URGCP: variants seen among roughly 807,000 people sequenced by gnomAD.
The protein encoded by URGCP is upregulator of cell proliferation.
URGCP carries 13 observed loss-of-function variants against 24.6 expected under a neutral mutation model. The ratio of observed to expected loss-of-function variants is 0.53; its 90% CI spans 0.34 to 0.84. The LOEUF (loss-of-function observed/expected upper bound fraction) is 0.84, where lower values mean the gene tolerates loss of function less well. Among genes scored for constraint, URGCP ranks in the 40% least tolerant of loss-of-function variants. The pLI, the probability that URGCP is intolerant of heterozygous loss-of-function variation, is 0.01. For missense variants in URGCP, 899 were observed against 1,194.3 expected (o/e 0.75, Z 3.64); for synonymous variants, 444 against 487.2 (o/e 0.91, Z 1.17).
rs773806842 is a variant in URGCP at position 43,878,800 on chromosome 7, C to T, written c.663G>A (p.Glu221=). 3 of 1,614,032 alleles carry T rather than the reference C, an allele frequency of 1.9e-6. No individual in the cohort carries two copies. Residue 221 remains glutamate (E), a synonymous_variant, in exon 6 of 6, where the codon GAG becomes GAA. Coordinates refer to ENST00000453200, the MANE Select transcript of URGCP (RefSeq NM_001077663.3). This position sits in a 1 kb window ranked among gnomAD's most constrained non-coding sequence, Gnocchi z 5.6. ...FALPLVLPDS[E]NHYHTFLLWA... ...ACAGCAGAAATGTATGGTAGTGGTTCTCCGAGTCAGGCAACACGAGTGGGA... is the reference window on the plus strand; with the variant it reads ...ACAGCAGAAATGTATGGTAGTGGTTTTCCGAGTCAGGCAACACGAGTGGGA...
chr7:43,919,882 A>G (rs2095920169), intron 1 of URGCP: 1 of 1,301,590 alleles, frequency 7.7e-7, no homozygotes, highest in Non-Finnish European at 1.1e-6. Flanking sequence ...TGTCGCCAAT[A>G]TGACAAGCTG....
At chr7:43,894,297 A>G (rs1256359255) in intron 1 of URGCP, among the ~76,000 whole-genome samples, 3 of 152,072 alleles carry the variant, frequency 2.0e-5, no homozygotes, top group African/African-American at 4.8e-5. Context: ...CACACAGAAC[A>G]CTCTCCAGGA....
chr7:43,885,236 G>A (rs1003998871), intron 3 of URGCP, among the ~76,000 whole-genome samples: 2 of 151,764 alleles, frequency 1.3e-5, no homozygotes, highest in African/African-American at 4.8e-5. Flanking sequence ...GAGTAGCTAA[G>A]ACTACAGGCG....
At chr7:43,899,284 ATT>A (rs753099024) in intron 1 of URGCP, among the ~76,000 whole-genome samples, 24 of 139,532 alleles carry the variant, frequency 1.7e-4, no homozygotes, top group Non-Finnish European at 2.5e-4. Flanking sequence ...GAAAGGCTTA[ATT>A]TTTTTTTTTT....
At chr7:43,916,592 A>G (rs2095915697) in intron 1 of URGCP, among the ~76,000 whole-genome samples, 1 of 152,080 alleles carries the variant, frequency 6.6e-6, no homozygotes, top group Non-Finnish European at 1.5e-5. Flanking sequence ...GCCTCATTTC[A>G]TGGATAAAGG....
upstream of URGCP, among the ~76,000 whole-genome samples, chr7:43,907,287 T>A (rs114658491): frequency 2.1e-3 from 319 of 152,310 alleles, no homozygotes; most frequent in Middle Eastern, 0.01. Flanking sequence ...AAATGCTTAA[T>A]AAAAAGCTCT....
rs537964326 is a variant in URGCP at position 43,877,700 on chromosome 7, G to A, written c.1763C>T (p.Thr588Met). 9.3e-6 allele frequency: 15 copies of A among 1,613,538 alleles called. No homozygotes were observed. The highest frequency in any genetic ancestry group is 2.2e-5 in the East Asian group (1 of 44,860). Residue 588 changes from threonine to methionine, a missense_variant, in exon 6 of 6, where the codon ACG becomes ATG. By Grantham distance (81) the Thr-to-Met change is moderately conservative (BLOSUM62 -1). Coordinates refer to ENST00000453200, the MANE Select transcript of URGCP (RefSeq NM_001077663.3). ...AQPRLRQPPE[T>M]LLTLRPKHGG... ...ATGCTTTGGTCTCAGGGTGAGAAGC[G>A]TCTCCGGAGGCTGTCTCAGTCGCGG...
chr7:43,877,809 T>C lies in URGCP; in HGVS notation c.1654A>G (p.Ile552Val). ...HDPSSGVQEF[I>V]SGISSPSLSE... The stretch of plus-strand genomic sequence containing the variant: ...AAGGAGGGGCTGCTGATCCCCGAGA[T>C]GAACTCCTGCACCCCCGAGGAGGGA... Residue 552 changes from isoleucine to valine, a missense_variant, in exon 6 of 6, where the codon ATC becomes GTC. By Grantham distance (29) the Ile-to-Val change is conservative (BLOSUM62 3). Transcript: ENST00000453200. 6.2e-7 allele frequency: 1 copy of C among 1,605,254 alleles called. No homozygotes were observed. Among genetic ancestry groups the C allele is most frequent in the Non-Finnish European group, 8.5e-7 (1 of 1,175,406 alleles).
At chr7:43,910,304 T>C (rs2095908597), upstream of URGCP, among the ~76,000 whole-genome samples, 1 of 151,768 alleles carries the variant, frequency 6.6e-6, no homozygotes, top group East Asian at 1.9e-4. Context: ...CAGCCTCAAC[T>C]TCCCAGCTCA....
At chr7:43,904,943 T>C (rs2095898309) in intron 1 of URGCP, among the ~76,000 whole-genome samples, 1 of 152,238 alleles carries the variant, frequency 6.6e-6, no homozygotes, top group Non-Finnish European at 1.5e-5. Context: ...CGCTGTCATT[T>C]TGTGGTGCAT....
rs765582691 is a variant in URGCP at position 43,876,616 on chromosome 7, C to T, written c.*51G>A. ...AGCCCCACACGGGTGCCCCATCAGACAGGGCTGCCCACAGCAGCCTCCTAC... is the reference window on the plus strand; with the variant it reads ...AGCCCCACACGGGTGCCCCATCAGATAGGGCTGCCCACAGCAGCCTCCTAC... On this transcript the variant is annotated 3_prime_UTR_variant, in exon 6 of 6. Transcript: ENST00000453200. 5.1e-6 allele frequency: 8 copies of T among 1,567,114 alleles called. No individual in the cohort carries two copies. In the East Asian group the frequency reaches 1.8e-4, roughly 35 times the overall value.
chr7:43,919,692 CAGGTCCACA>C lies in URGCP; in HGVS notation c.-116+6431_-116+6439del, dbSNP rs1266061149. On this transcript the variant is annotated intron_variant, in intron 1 of 5. Transcript: ENST00000426198. ...CATCCAGGGAGAGGTGGACCCCACC[CAGGTCCACA>C]AGAGCCTGCAGAGGATCCGGGAATG... 10 of 1,377,270 alleles carry C rather than the reference CAGGTCCACA, an allele frequency of 7.3e-6. No individual in the cohort carries two copies. The East Asian group carries it at 2.3e-4, about 32-fold the overall frequency. 85.3% of individuals were successfully genotyped at this position (1,377,270 alleles called of 1,614,324 possible). A position where few individuals can be genotyped will look rare whatever the true frequency, so the allele number is the denominator to read the frequency against.
chr7:43,910,382 A>ATTTTTT (rs1158648185), upstream of URGCP, among the ~76,000 whole-genome samples: 7 of 90,102 alleles, frequency 7.8e-5, no homozygotes, highest in African/African-American at 1.4e-4. Flanking sequence ...TGTCTGGCTA[A>ATTTTTT]TTTTTTTTTT....
Position 43,878,093 on chromosome 7 carries a change from T to C in URGCP, c.1370A>G (p.Lys457Arg). The C allele has an allele frequency of 6.2e-7, 1 of 1,614,240 alleles. No homozygotes were observed. Among genetic ancestry groups the C allele is most frequent in the Non-Finnish European group, 8.5e-7 (1 of 1,180,042 alleles). ...GTCCTCGTCGACCTTTAGGCCCAGT[T>C]TGCGGGCTGCGTGCGCCATGTCCTC... ...SVEDMAHAARKLGLKVDEDCE... is the reference protein window; with the variant it reads ...SVEDMAHAARRLGLKVDEDCE... Residue 457 changes from lysine (K) to arginine (R), a missense_variant, in exon 6 of 6, where the codon AAA becomes AGA. Transcript: ENST00000453200. The surrounding 1 kb of genome is among the most constrained non-coding windows in gnomAD (Gnocchi z 5.6).
intron 3 of URGCP, 140 bp downstream of exon 3, chr7:43,887,275 G>T: frequency 1.1e-6 from 1 of 950,502 alleles, no homozygotes; most frequent in Non-Finnish European, 1.5e-6. Context: ...CTTGTAAAAG[G>T]AAAAATAAAA....
At chr7:43,891,639 G>C (rs2095870832) in intron 1 of URGCP, among the ~76,000 whole-genome samples, 1 of 152,116 alleles carries the variant, frequency 6.6e-6, no homozygotes, top group African/African-American at 2.4e-5. Flanking sequence ...AAAATCCACA[G>C]CAAGCCTTTG....
intron 1 of URGCP, among the ~76,000 whole-genome samples, chr7:43,903,576 A>G (rs1378145421): frequency 6.6e-6 from 1 of 152,218 alleles, no homozygotes; most frequent in Non-Finnish European, 1.5e-5. Context: ...GGTTAAAGAA[A>G]CTTGAGGAGC....
At chr7:43,893,365 T>C (rs2095873844) in intron 1 of URGCP, among the ~76,000 whole-genome samples, 1 of 151,948 alleles carries the variant, frequency 6.6e-6, no homozygotes, top group Non-Finnish European at 1.5e-5. Context: ...TAAAATAAAA[T>C]GAAAAAATTA....
intron 1 of URGCP, 158 bp downstream of exon 1, chr7:43,906,404 A>AGCGGGCCGTGGGCCTGGTGGGCCTG: frequency 1.2e-6 from 1 of 821,974 alleles, no homozygotes; most frequent in Non-Finnish European, 1.5e-6. Flanking sequence ...GGTCGGCGCG[A>AGCGGGCCGTGGGCCTGGTGGGCCTG]GCGGGCCGTG....
Sources: allele counts gnomAD v4.1 joint callset (sites outside exome capture counted in the v4.1 genomes callset), GRCh38; gene constraint gnomAD v4.1.1; non-coding constraint Gnocchi (gnomAD v3.1); transcripts MANE v1.5; gene names NCBI Gene and HGNC (gene_info 2026-07-23, HGNC 2026-07-21).